The following MSH4 variants were observed in gnomAD, a reference collection of about 807,000 sequenced individuals.
The protein encoded by MSH4 is mutS protein homolog 4.
A neutral mutation model predicts 113.7 loss-of-function variants in MSH4; 106 were observed. The observed-to-expected ratio is 0.93, with a 90% CI of 0.80 to 1.10. The LOEUF (loss-of-function observed/expected upper bound fraction) is 1.10, where lower values mean the gene tolerates loss of function less well. MSH4 is among the 50% of genes least tolerant of loss of function. The pLI is 0.00. For synonymous variants in MSH4, 368 were observed against 380.2 expected, an observed-to-expected ratio of 0.97 and a Z score of 0.37; for missense variants, 1,061 against 1,093.7, an observed-to-expected ratio of 0.97 and a Z score of 0.42.
At chr1:75,879,684 T>C (rs1297765169) in intron 12 of MSH4, among the ~76,000 whole-genome samples, 2 of 152,252 alleles carry the variant, frequency 1.3e-5, no homozygotes, top group Admixed American at 1.3e-4. Flanking sequence ...GGTTCAGATA[T>C]AGGACAAGGG....
chr1:75,845,623 C>T (rs2100544146), intron 7 of MSH4, among the ~76,000 whole-genome samples: 1 of 152,304 alleles, frequency 6.6e-6, no homozygotes, highest in East Asian at 1.9e-4. Context: ...GCTTAGTCCA[C>T]TCAGCAGCTC....
rs578030962 is a variant in MSH4, at chr1:75,824,228, G to A, written c.1162+1647G>A. 3.0e-3 allele frequency among the ~76,000 whole-genome samples: 457 copies of A among 152,306 alleles called. 5 individuals are homozygous for A. Among genetic ancestry groups the A allele is most frequent in the Non-Finnish European group, 5.6e-3 (381 of 68,024 alleles). On this transcript the variant is annotated intron_variant, in intron 7 of 19. Transcript: ENST00000263187. ...GATTTGCATTTCTCTAATGACCAGT[G>A]ATGATGAGCTTTTTTTCATATGTTT...
intron 6 of MSH4, among the ~76,000 whole-genome samples, chr1:75,818,296 A>G (rs1434107763): frequency 6.6e-6 from 1 of 152,026 alleles, no homozygotes; most frequent in African/African-American, 2.4e-5. Context: ...GCCTCTATCA[A>G]CTTCTTCATT....
At chr1:75,872,724 A>C (rs962386542) in intron 9 of MSH4, among the ~76,000 whole-genome samples, 7 of 152,246 alleles carry the variant, frequency 4.6e-5, no homozygotes, top group African/African-American at 1.4e-4. Flanking sequence ...AATTGAAGGG[A>C]ACTGTCAATA....
chr1:75,884,368 T>C (rs1570987149), intron 15 of MSH4, among the ~76,000 whole-genome samples: 1 of 152,100 alleles, frequency 6.6e-6, no homozygotes, highest in East Asian at 1.9e-4. Context: ...TATTTCTTAA[T>C]ATGGAGGCCC....
At chr1:75,898,770 A>G (rs74089637) in intron 18 of MSH4, among the ~76,000 whole-genome samples, 3,017 of 152,228 alleles carry the variant, frequency 0.02, 105 homozygotes, top group African/African-American at 0.069. Context: ...CTGTACATAC[A>G]AGTTTCAAAA....
chr1:75,888,716 C>A (rs147228834), intron 15 of MSH4, among the ~76,000 whole-genome samples: 1 of 151,810 alleles, frequency 6.6e-6, no homozygotes, highest in South Asian at 2.1e-4. Context: ...GTGTAACTGG[C>A]ATATTATATT....
At chr1:75,873,820 C>T (rs1651762057) in intron 9 of MSH4, among the ~76,000 whole-genome samples, 1 of 152,074 alleles carries the variant, frequency 6.6e-6, no homozygotes, top group African/African-American at 2.4e-5. Flanking sequence ...CAATCTGTCA[C>T]TCACGGGTAT....
At chr1:75,862,850 C>G (rs1651488011) in intron 8 of MSH4, among the ~76,000 whole-genome samples, 1 of 152,008 alleles carries the variant, frequency 6.6e-6, no homozygotes, top group African/African-American at 2.4e-5. Flanking sequence ...CTTATTCTTT[C>G]TTTTTAAGAA....
In MSH4 at chr1:75,889,268, G is replaced by T; in HGVS notation, c.2125G>T (p.Glu709Ter). 6.8e-7 allele frequency: 1 copy of T among 1,480,982 alleles called. No individual in the cohort carries two copies. The highest frequency in any genetic ancestry group is 1.2e-5 in the South Asian group (1 of 83,370). The allele number at this position is 1,480,982 out of a possible 1,614,324, so 91.7% of individuals were successfully genotyped here. ...MAQIGSYVPA[E>*]YSSFRIAKQI... ...TTTTACAGGATCATATGTTCCAGCA[G>T]AATATTCTTCCTTTAGAATTGCTAA... Residue 709 changes from glutamate to a stop codon, truncating the protein, a stop_gained, in exon 16 of 20, where the codon GAA becomes TAA. Coordinates refer to ENST00000263187, the MANE Select transcript of MSH4 (RefSeq NM_002440.4). LOFTEE classifies it high-confidence loss of function.
chr1:75,871,454 G>A (rs1651711362), intron 9 of MSH4, among the ~76,000 whole-genome samples: 1 of 152,138 alleles, frequency 6.6e-6, no homozygotes, highest in Admixed American at 6.5e-5. Flanking sequence ...TATGGAAAAT[G>A]ACCCAAAGAA....
chr1:75,833,031 A>G (rs1033654452), intron 7 of MSH4, among the ~76,000 whole-genome samples: 1 of 152,186 alleles, frequency 6.6e-6, no homozygotes, highest in African/African-American at 2.4e-5. Context: ...TTTACTTAGA[A>G]AAACCCATCG....
intron 17 of MSH4, among the ~76,000 whole-genome samples, chr1:75,896,199 C>T (rs1444237611): frequency 6.6e-6 from 1 of 152,144 alleles, no homozygotes; most frequent in Non-Finnish European, 1.5e-5. Context: ...TTGGCTCTTT[C>T]TAAGTCTACA....
In MSH4 at chr1:75,897,780, T is replaced by A. The variant is rs1485682628; in HGVS notation, c.2356-127T>A. On this transcript the variant is annotated intron_variant, in intron 17 of 19. Coordinates refer to ENST00000263187, the MANE Select transcript of MSH4 (RefSeq NM_002440.4). The stretch of plus-strand genomic sequence containing the variant: ...ATAATGTTAGCCTCCAAATTATTAG[T>A]TTTATTCCTACATCTCTGCCAAGCT... The A allele has an allele frequency of 2.0e-5, 10 of 490,698 alleles. No individual in the cohort carries two copies. In the South Asian group the frequency reaches 7.8e-4, roughly 38 times the overall value. The allele number at this position is 490,698 out of a possible 1,614,324, so 30.4% of individuals were successfully genotyped here.
intron 7 of MSH4, among the ~76,000 whole-genome samples, chr1:75,836,302 C>CTTTTTTTTTTTTTT (rs71071968): frequency 7.4e-6 from 1 of 135,962 alleles, no homozygotes. Flanking sequence ...CTTTCTTTTT[C>CTTTTTTTTTTTTTT]TTTTTTTTTT....
At chr1:75,890,150 A>G (rs189017049) in intron 16 of MSH4, among the ~76,000 whole-genome samples, 107 of 152,180 alleles carry the variant, frequency 7.0e-4, no homozygotes, top group Non-Finnish European at 1.0e-3. Flanking sequence ...GAGGTTAATA[A>G]TCTTCAGTGG....
chr1:75,878,066 T>C (rs1651852782), intron 10 of MSH4, 83 bp from the exon 11 acceptor site: 3 of 1,023,632 alleles, frequency 2.9e-6, no homozygotes, highest in Non-Finnish European at 4.2e-6. Context: ...AAATTTGCTA[T>C]CATCAATTGT....
At chr1:75,855,353 A>G (rs1281452944) in intron 8 of MSH4, among the ~76,000 whole-genome samples, 3 of 152,134 alleles carry the variant, frequency 2.0e-5, no homozygotes, top group African/African-American at 7.2e-5. Context: ...TAGTTTTCTA[A>G]GGCTGTGTAA....
chr1:75,905,462 C>CTAA lies in MSH4; in HGVS notation c.2619+5758_2619+5760dup, dbSNP rs1253323619. ...AATTTATTGACACTTGTTTTGTGGC[C>CTAA]TAATGTATTGTTTATCCTGGAGACT... On this transcript the variant is annotated intron_variant, in intron 19 of 19. Coordinates refer to ENST00000263187, the MANE Select transcript of MSH4 (RefSeq NM_002440.4). 2.0e-5 allele frequency among the ~76,000 whole-genome samples: 3 copies of CTAA among 151,648 alleles called. No individual in the cohort carries two copies. The East Asian group carries it at 5.8e-4, about 29-fold the overall frequency.
Sources: gnomAD v4.1 joint callset for allele counts (sites outside exome capture counted in the v4.1 genomes callset) on GRCh38, gnomAD v4.1.1 for gene constraint, MANE v1.5 for transcripts, NCBI Gene and HGNC (gene_info 2026-07-23, HGNC 2026-07-21) for gene names.